The following KRT77 variants were observed in gnomAD, a reference collection of about 807,000 sequenced individuals.
KRT77 encodes the protein keratin, type II cytoskeletal 1b.
Under a neutral mutation model 51.5 loss-of-function variants are expected in KRT77, and 44 were observed. The ratio of observed to expected loss-of-function variants is 0.85; its 90% CI spans 0.67 to 1.10. The LOEUF (loss-of-function observed/expected upper bound fraction) is 1.10, where lower values mean the gene tolerates loss of function less well. KRT77 is among the 50% of genes least tolerant of loss of function. The probability of loss-of-function intolerance (pLI) is 0.00; values close to 1 mark genes in which losing one functional copy is unlikely to be tolerated. For missense variants in KRT77, 763 were observed against 743.9 expected (o/e 1.03, Z -0.30); for synonymous variants, 293 against 302.0 (o/e 0.97, Z 0.31).
intron 1 of KRT77, chr12:52,698,141 A>C (rs1470168063): frequency 7.1e-7 from 1 of 1,415,664 alleles, no homozygotes; most frequent in Admixed American, 2.1e-5. Flanking sequence ...TTTGAAGGTA[A>C]ATCACCTCCT....
intron 1 of KRT77, among the ~76,000 whole-genome samples, chr12:52,700,624 G>C (rs1941873876): frequency 1.3e-5 from 2 of 152,296 alleles, no homozygotes; most frequent in South Asian, 2.1e-4. Flanking sequence ...AAGCCTGGGG[G>C]CTGTTTTCCA....
At chr12:52,692,060 C>G (rs1396471267) in intron 7 of KRT77, 88 bp from the exon 8 acceptor site, 2 of 1,409,912 alleles carry the variant, frequency 1.4e-6, no homozygotes, top group East Asian at 4.6e-5. Flanking sequence ...CAGAGGTGTC[C>G]CCAAGCCTTA....
rs761832385 is a variant in KRT77 at position 52,695,879 on chromosome 12, G to A, written c.820-12C>T. On this transcript the variant is annotated splice_polypyrimidine_tract_variant and intron_variant, in intron 3 of 8. Transcript: ENST00000341809. ...GCAGCATCCACATCCTGAATAGCAGGCAGAAACAGTTTGACTTTATTGCCC... is the reference window on the plus strand; with the variant it reads ...GCAGCATCCACATCCTGAATAGCAGACAGAAACAGTTTGACTTTATTGCCC... The A allele has an allele frequency of 1.4e-5, 22 of 1,572,522 alleles. No homozygotes were observed. The highest frequency in any genetic ancestry group is 3.5e-6 in the Non-Finnish European group (4 of 1,142,210).
At chr12:52,700,794 C>T (rs766279088) in intron 1 of KRT77, among the ~76,000 whole-genome samples, 3 of 152,034 alleles carry the variant, frequency 2.0e-5, no homozygotes, top group African/African-American at 4.8e-5. Context: ...TTCTTTCAGT[C>T]GAGACAAGAA....
chr12:52,700,835 G>C (rs140559417), intron 1 of KRT77, among the ~76,000 whole-genome samples: 90 of 152,306 alleles, frequency 5.9e-4, no homozygotes, highest in Admixed American at 1.4e-3. Context: ...GAGGAGTGTC[G>C]TGACATGCTT....
chr12:52,702,789 G>T, intron 1 of KRT77, 103 bp downstream of exon 1: 1 of 1,201,272 alleles, frequency 8.3e-7, no homozygotes, highest in Non-Finnish European at 1.2e-6. Context: ...TAAGGTCCCA[G>T]GTCAAGCTGA....
At chr12:52,698,759 T>C (rs1266888435) in intron 1 of KRT77, among the ~76,000 whole-genome samples, 1 of 152,236 alleles carries the variant, frequency 6.6e-6, no homozygotes, top group Non-Finnish European at 1.5e-5. Context: ...TCTGCTCCAG[T>C]GCCCTGATAG....
At chr12:52,697,927 G>T in intron 1 of KRT77, 31 bp from the exon 2 acceptor site, 1 of 1,598,658 alleles carries the variant, frequency 6.3e-7, no homozygotes, top group Non-Finnish European at 8.6e-7. Context: ...TCCACCCCAG[G>T]CCATGGATCA....
chr12:52,692,559 T>A lies in KRT77; in HGVS notation c.1289A>T (p.Asp430Val), dbSNP rs1487192216. The part of the protein sequence containing the change: ...ALQDAWQKLQ[D>V]LEEALQQSKE... ...GGACTGCTGCAGGGCCTCCTCCAGG[T>A]CCTGCAGCTTCTGCCACGCATCCTG... Residue 430 changes from aspartate (D) to valine (V), a missense_variant, in exon 7 of 9, where the codon GAC becomes GTC. By Grantham distance (152) the Asp-to-Val change is radical. Transcript: ENST00000341809. The A allele has an allele frequency of 7.1e-7, 1 of 1,409,398 alleles. No individual in the cohort carries two copies. The allele number at this position is 1,409,398 out of a possible 1,614,324, so 87.3% of individuals were successfully genotyped here.
intron 2 of KRT77, 152 bp downstream of exon 2, chr12:52,697,530 C>T (rs1941812862): frequency 3.3e-6 from 2 of 600,276 alleles, no homozygotes; most frequent in Non-Finnish European, 6.1e-6. Context: ...CGGGTTGCCA[C>T]ATACAAAACA....
intron 8 of KRT77, 116 bp downstream of exon 8, chr12:52,691,820 CTA>C: frequency 8.9e-7 from 1 of 1,121,210 alleles, no homozygotes; most frequent in East Asian, 2.4e-5. Context: ...ACTTTGGTGT[CTA>C]TTGCACAGGA....
At position 52,702,872 on chromosome 12, in the gene KRT77, C is replaced by T. The variant is rs1592276024; in HGVS notation, c.543+20G>A. On this transcript the variant is annotated intron_variant, in intron 1 of 8. Transcript: ENST00000341809. Reference sequence around the variant, plus strand: ...ATTTGGTCAGTGACCAATGACCCTCCCTGCCCCTGAGGTGCTCACCTTGTC... The same window carrying T: ...ATTTGGTCAGTGACCAATGACCCTCTCTGCCCCTGAGGTGCTCACCTTGTC... 1 of 1,612,862 alleles carries T rather than the reference C, an allele frequency of 6.2e-7. No individual in the cohort carries two copies. Among genetic ancestry groups the T allele is most frequent in the South Asian group, 1.1e-5 (1 of 90,952 alleles).
chr12:52,692,615 C>T lies in KRT77; in HGVS notation c.1233G>A (p.Ser411=). Residue 411 remains serine, a synonymous_variant, in exon 7 of 9, where the codon TCG becomes TCA. Coordinates refer to ENST00000341809, the MANE Select transcript of KRT77 (RefSeq NM_175078.3). ...KQIEQMQSLI[S]DAEERGEQAL... is the part of the protein sequence containing the mutation. ...CCTGCTCGCCTCTCTCCTCAGCATC[C>T]GAAATGAGTGACTGCATCTGTTCAA... The T allele has an allele frequency of 6.5e-7, 1 of 1,541,326 alleles. No individual in the cohort carries two copies. The highest frequency in any genetic ancestry group is 8.9e-7 in the Non-Finnish European group (1 of 1,124,616).
chr12:52,694,712 C>T lies in KRT77; in HGVS notation c.994G>A (p.Asp332Asn). Residue 332 changes from aspartate to asparagine, a missense_variant, in exon 5 of 9, where the codon GAC becomes AAC. Transcript: ENST00000341809. The stretch of plus-strand genomic sequence containing the variant: ...GTCCGCACTGCATCGATGATGCTGT[C>T]CAGGTCCAGGGAACGGTTATTGTCC... ...SMDNNRSLDLDSIIDAVRTQY... is the reference protein window; with the variant it reads ...SMDNNRSLDLNSIIDAVRTQY... 1 of 1,613,640 alleles carries T rather than the reference C, an allele frequency of 6.2e-7. No individual in the cohort carries two copies. Among genetic ancestry groups the T allele is most frequent in the Non-Finnish European group, 8.5e-7 (1 of 1,179,634 alleles).
intron 1 of KRT77, among the ~76,000 whole-genome samples, chr12:52,698,990 G>A (rs1205067646): frequency 6.6e-6 from 1 of 152,202 alleles, no homozygotes. Context: ...GCCCCTCTGA[G>A]GGGCCAACCC....
chr12:52,703,124 G>A lies in KRT77; in HGVS notation c.311C>T (p.Ala104Val). The stretch of plus-strand genomic sequence containing the variant: ...AAAACCACCTCCTCCAAAGCCACCA[G>A]CCCCGGTGCTGCCAACCCCAAAGCC... Reference protein sequence around the residue: ...GRGFGVGSTGAGGFGGGGFGG... With the variant: ...GRGFGVGSTGVGGFGGGGFGG... The change falls in exon 1 of 9, where the codon GCT (alanine) becomes GTT (valine). Residue 104 changes from alanine (A) to valine (V), a missense_variant. Ala to Val is a moderately conservative substitution (Grantham distance 64). Coordinates refer to ENST00000341809, the MANE Select transcript of KRT77 (RefSeq NM_175078.3). 6.2e-7 allele frequency: 1 copy of A among 1,611,328 alleles called. No homozygotes were observed. Among genetic ancestry groups the A allele is most frequent in the African/African-American group, 1.3e-5 (1 of 74,484 alleles).
intron 4 of KRT77, 97 bp from the exon 5 acceptor site, chr12:52,694,887 A>T: frequency 8.8e-7 from 1 of 1,130,570 alleles, no homozygotes; most frequent in Non-Finnish European, 1.2e-6. Flanking sequence ...GGAAGCCAGA[A>T]GCCTGGGCCA....
chr12:52,693,884 A>G (rs1247950129), intron 5 of KRT77, among the ~76,000 whole-genome samples: 1 of 136,848 alleles, frequency 7.3e-6, no homozygotes, highest in African/African-American at 2.5e-5. Flanking sequence ...TAAAAATACA[A>G]AAATTAGCTT....
intron 1 of KRT77, among the ~76,000 whole-genome samples, chr12:52,702,146 C>T (rs986439191): frequency 1.3e-5 from 2 of 152,188 alleles, no homozygotes; most frequent in African/African-American, 4.8e-5. Flanking sequence ...AAGCAGAGCT[C>T]ATGACACCCT....
Sources: gnomAD v4.1 joint callset for allele counts (sites outside exome capture counted in the v4.1 genomes callset) on GRCh38, gnomAD v4.1.1 for gene constraint, MANE v1.5 for transcripts, NCBI Gene and HGNC (gene_info 2026-07-23, HGNC 2026-07-21) for gene names.